Variants in PCDHGB2 observed in about 807,000 individuals in gnomAD.
PCDHGB2 encodes protocadherin gamma subfamily B, 2.
In PCDHGB2, 55 loss-of-function variants were observed where a neutral mutation model predicts 59.3. The observed-to-expected ratio is 0.93, with a 90% CI of 0.75 to 1.16. The LOEUF is 1.16. Among genes scored for constraint, PCDHGB2 ranks in the 50% most tolerant of loss-of-function variants. The pLI, the probability that PCDHGB2 is intolerant of heterozygous loss-of-function variation, is 0.00. For synonymous variants in PCDHGB2, 516 were observed against 512.0 expected (o/e 1.01, Z -0.11); for missense variants, 1,228 against 1,198.5 (o/e 1.02, Z -0.36).
chr5:141,420,963 A>T, intron 1 of PCDHGB2: 1 of 430,262 alleles, frequency 2.3e-6, no homozygotes, highest in Non-Finnish European at 4.1e-6. Flanking sequence ...TAGTCGTTGC[A>T]ATAATAAGAA....
chr5:141,477,629 C>T lies in PCDHGB2; in HGVS notation c.2422-17178C>T, dbSNP rs1191573380. 6.2e-7 allele frequency: 1 copy of T among 1,614,158 alleles called. No homozygotes were observed. Reference sequence around the variant, plus strand: ...CTTGGAGCAAGGAGCTGAAACCGGGCTAGTGGGTCGCTATTTCACAATAAA... The same window carrying T: ...CTTGGAGCAAGGAGCTGAAACCGGGTTAGTGGGTCGCTATTTCACAATAAA... On this transcript the variant is annotated intron_variant, in intron 1 of 3. Coordinates refer to ENST00000522605, the MANE Select transcript of PCDHGB2 (RefSeq NM_018923.3). The surrounding 1 kb of genome is among the most constrained non-coding windows in gnomAD (Gnocchi z 4.9).
rs1319222603 is a variant in PCDHGB2 at position 141,438,686 on chromosome 5, A to G, written c.2422-56121A>G. Among the ~76,000 whole-genome samples the G allele has an allele frequency of 2.8e-5, 4 of 140,922 alleles. No homozygotes were observed. The Admixed American group carries it at 2.9e-4, about 10-fold the overall frequency. 92.5% of individuals were successfully genotyped at this position (140,922 alleles called of 152,430 possible). On this transcript the variant is annotated intron_variant, in intron 1 of 3. Transcript: ENST00000522605. ...TATATATATTTGGAGTAGGGGATGGAGTCTTGCTCTGTCACCCAGGCTGGA... is the reference window on the plus strand; with the variant it reads ...TATATATATTTGGAGTAGGGGATGGGGTCTTGCTCTGTCACCCAGGCTGGA...
intron 1 of PCDHGB2, chr5:141,442,062 G>A (rs1001398926): frequency 7.0e-5 from 13 of 185,900 alleles, no homozygotes; most frequent in Admixed American, 1.3e-4. Context: ...GGTGCACTGC[G>A]GTGGACAGCC....
At chr5:141,456,695 T>C (rs1264543968) in intron 1 of PCDHGB2, among the ~76,000 whole-genome samples, 2 of 152,136 alleles carry the variant, frequency 1.3e-5, no homozygotes, top group Non-Finnish European at 2.9e-5. Flanking sequence ...CCAGGCGTGG[T>C]GGCTCGCGCC....
intron 1 of PCDHGB2, chr5:141,382,742 A>G: frequency 1.7e-6 from 1 of 585,144 alleles, no homozygotes; most frequent in Non-Finnish European, 2.9e-6. Flanking sequence ...GAGAAACGAC[A>G]GATTGCGATA....
chr5:141,500,189 TTTA>T (rs780229863), intron 2 of PCDHGB2, among the ~76,000 whole-genome samples: 5,656 of 110,928 alleles, frequency 0.051, 122 homozygotes, highest in Middle Eastern at 0.14. Context: ...TTTATTTTTA[TTTA>T]TTTATTTATT....
At chr5:141,428,613 C>T (rs1247239314) in intron 1 of PCDHGB2, 1 of 212,608 alleles carries the variant, frequency 4.7e-6, no homozygotes, top group African/African-American at 2.3e-5. Flanking sequence ...AAGAGAATAA[C>T]AAGATAAGCT....
At chr5:141,459,199 A>G (rs930769883) in intron 1 of PCDHGB2, among the ~76,000 whole-genome samples, 6 of 152,200 alleles carry the variant, frequency 3.9e-5, no homozygotes, top group African/African-American at 1.4e-4. Flanking sequence ...TTTGCAATCA[A>G]TTCACTACTT....
chr5:141,401,285 T>TGAGCC (rs2094137060), intron 1 of PCDHGB2, among the ~76,000 whole-genome samples: 1 of 151,918 alleles, frequency 6.6e-6, no homozygotes, highest in Non-Finnish European at 1.5e-5. Context: ...GAGGTTGCGG[T>TGAGCC]GAGCCGAGAT....
rs749769645 is a variant in PCDHGB2, at chr5:141,376,049, G to A, written c.2421+13493G>A. On this transcript the variant is annotated intron_variant, in intron 1 of 3. Transcript: ENST00000522605. ...GGACCACGGCCAGCCCCCTCTCTCCGCCACTGTCACGCTCACCGTGGCCGT... is the reference window on the plus strand; with the variant it reads ...GGACCACGGCCAGCCCCCTCTCTCCACCACTGTCACGCTCACCGTGGCCGT... The A allele has an allele frequency of 1.9e-5, 31 of 1,613,116 alleles. No homozygotes were observed. The highest frequency in any genetic ancestry group is 2.2e-5 in the East Asian group (1 of 44,870).
chr5:141,422,996 C>G lies in PCDHGB2; in HGVS notation c.2421+60440C>G. 1.2e-6 allele frequency: 2 copies of G among 1,614,224 alleles called. No homozygotes were observed. The highest frequency in any genetic ancestry group is 1.7e-6 in the Non-Finnish European group (2 of 1,180,046). On this transcript the variant is annotated intron_variant, in intron 1 of 3. Coordinates refer to ENST00000522605, the MANE Select transcript of PCDHGB2 (RefSeq NM_018923.3). ...TCTGCGGAACCTGGCTACCTGGTGA[C>G]CAAGGTGGTTGCGGTGGACAAAGAT...
In PCDHGB2 at chr5:141,477,406, A is replaced by G. The variant is rs1004061582; in HGVS notation, c.2422-17401A>G. The G allele has an allele frequency of 6.2e-7, 1 of 1,614,154 alleles. No individual in the cohort carries two copies. Among genetic ancestry groups the G allele is most frequent in the Non-Finnish European group, 8.5e-7 (1 of 1,180,040 alleles). The stretch of plus-strand genomic sequence containing the variant: ...AATACAACCTCAGCATCACCGCCCG[A>G]GACGCCGGAACCCCTTCCCTCTCAG... On this transcript the variant is annotated intron_variant, in intron 1 of 3. Transcript: ENST00000522605. The surrounding 1 kb of genome is among the most constrained non-coding windows in gnomAD (Gnocchi z 4.9).
intron 1 of PCDHGB2, chr5:141,389,630 T>G: frequency 6.2e-7 from 1 of 1,612,990 alleles, no homozygotes; most frequent in South Asian, 1.1e-5. Context: ...CTGCAGAGCC[T>G]GGCTACTTGG....
rs112808093 is a variant in PCDHGB2, at chr5:141,489,579, C to A, written c.2422-5228C>A. ...CAGTGCAGGTGGTGACTGAACACCC[C>A]CTGGAGCTAATCCGTGTAGAGGTAG... On this transcript the variant is annotated intron_variant, in intron 1 of 3. Coordinates refer to ENST00000522605, the MANE Select transcript of PCDHGB2 (RefSeq NM_018923.3). This position sits in a 1 kb window ranked among gnomAD's most constrained non-coding sequence, Gnocchi z 4.5. 1.2e-6 allele frequency: 2 copies of A among 1,613,922 alleles called. No individual in the cohort carries two copies. Among genetic ancestry groups the A allele is most frequent in the African/African-American group, 2.7e-5 (2 of 74,916 alleles).
intron 1 of PCDHGB2, chr5:141,404,757 C>T (rs759444247): frequency 3.1e-6 from 5 of 1,613,918 alleles, no homozygotes; most frequent in Non-Finnish European, 4.2e-6. Flanking sequence ...GGCCAGAATG[C>T]TTGGCTCTCC....
intron 1 of PCDHGB2, among the ~76,000 whole-genome samples, chr5:141,445,923 T>C (rs1169404585): frequency 6.6e-6 from 1 of 152,200 alleles, no homozygotes; most frequent in Non-Finnish European, 1.5e-5. Context: ...AGTGACAAGA[T>C]ATTTGAATTA....
intron 1 of PCDHGB2, among the ~76,000 whole-genome samples, chr5:141,448,040 C>T (rs892207188): frequency 6.6e-6 from 1 of 151,850 alleles, no homozygotes; most frequent in Admixed American, 6.6e-5. Context: ...GAGCCAAGAT[C>T]ATGCCATTGC....
At chr5:141,375,540 A>C in intron 1 of PCDHGB2, 1 of 1,613,910 alleles carries the variant, frequency 6.2e-7, no homozygotes, top group Non-Finnish European at 8.5e-7. Flanking sequence ...CAGAACGCCC[A>C]AGTCTCCTAC....
chr5:141,407,473 G>A (rs753514459), intron 1 of PCDHGB2, among the ~76,000 whole-genome samples: 4 of 145,182 alleles, frequency 2.8e-5, no homozygotes, highest in Non-Finnish European at 4.6e-5. Context: ...ATGACTGAAT[G>A]GAGTATGGAA....
Sources: allele counts gnomAD v4.1 joint callset (sites outside exome capture counted in the v4.1 genomes callset), GRCh38; gene constraint gnomAD v4.1.1; non-coding constraint Gnocchi (gnomAD v3.1); transcripts MANE v1.5; gene names NCBI Gene and HGNC (gene_info 2026-07-23, HGNC 2026-07-21).